HECW1: variants seen among roughly 807,000 people sequenced by gnomAD.
HECW1 encodes HECT, C2 and WW domain containing E3 ubiquitin protein ligase 1.
HECW1 carries 61 observed loss-of-function variants against 182.3 expected under a neutral mutation model. The ratio of observed to expected loss-of-function variants is 0.33; its 90% confidence interval spans 0.27 to 0.41. The LOEUF (loss-of-function observed/expected upper bound fraction) is 0.41. HECW1 is among the 10% of genes least tolerant of loss of function. The pLI is 1.00. For missense variants in HECW1, 1,739 were observed against 2,108.9 expected, an observed-to-expected ratio of 0.82 and a Z score of 3.44; for synonymous variants, 859 against 832.6, an observed-to-expected ratio of 1.03 and a Z score of -0.55.
chr7:43,409,472 A>G (rs2075726142), intron 8 of HECW1, among the ~76,000 whole-genome samples: 1 of 152,226 alleles, frequency 6.6e-6, no homozygotes, highest in Non-Finnish European at 1.5e-5. Flanking sequence ...TTTAAGTGTC[A>G]GGGAATGTTT....
chr7:43,503,182 G>A (rs1479666154), intron 21 of HECW1, among the ~76,000 whole-genome samples: 4 of 152,178 alleles, frequency 2.6e-5, no homozygotes, highest in African/African-American at 9.7e-5. Context: ...TACCTCTGAC[G>A]CACAACATAA....
At chr7:43,286,401 G>T (rs1357095837) in intron 3 of HECW1, among the ~76,000 whole-genome samples, 1 of 152,182 alleles carries the variant, frequency 6.6e-6, no homozygotes, top group African/African-American at 2.4e-5. Context: ...AACCTTCAGA[G>T]ATGTAGTGCA....
At chr7:43,392,357 A>G (rs753912893) in intron 6 of HECW1, among the ~76,000 whole-genome samples, 2 of 152,240 alleles carry the variant, frequency 1.3e-5, no homozygotes, top group Non-Finnish European at 1.5e-5. Context: ...TGGAAATGCC[A>G]TATGCACTAA....
chr7:43,226,392 A>T (rs1797429593), intron 2 of HECW1, among the ~76,000 whole-genome samples: 1 of 152,134 alleles, frequency 6.6e-6, no homozygotes, highest in African/African-American at 2.4e-5. Flanking sequence ...CAGTGGGGTG[A>T]TGATGTTGAG....
chr7:43,334,899 A>G (rs1453425977), intron 5 of HECW1, among the ~76,000 whole-genome samples: 1 of 152,220 alleles, frequency 6.6e-6, no homozygotes, highest in Non-Finnish European at 1.5e-5. Flanking sequence ...GGACCTACAG[A>G]CACAGCCTTT....
At chr7:43,129,437 A>G (rs1467173919) in intron 2 of HECW1, among the ~76,000 whole-genome samples, 1 of 152,184 alleles carries the variant, frequency 6.6e-6, no homozygotes, top group Non-Finnish European at 1.5e-5. Flanking sequence ...TGTGTGTATT[A>G]TTTTTCTAGA....
chr7:43,252,650 G>A (rs1012045268), intron 3 of HECW1, among the ~76,000 whole-genome samples: 1 of 152,202 alleles, frequency 6.6e-6, no homozygotes, highest in Non-Finnish European at 1.5e-5. Flanking sequence ...TTGGTTATGA[G>A]TTCCCATAGT....
chr7:43,560,227 A>T (rs540074675), intron 29 of HECW1, among the ~76,000 whole-genome samples: 4 of 152,216 alleles, frequency 2.6e-5, no homozygotes, highest in Non-Finnish European at 2.9e-5. Flanking sequence ...CACTGTAACC[A>T]TCCTACTCAA....
At chr7:43,240,780 G>A (rs1308615773) in intron 2 of HECW1, among the ~76,000 whole-genome samples, 1 of 152,202 alleles carries the variant, frequency 6.6e-6, no homozygotes, top group Non-Finnish European at 1.5e-5. Flanking sequence ...GGTGCCAGGG[G>A]TTTGCAGGGC....
intron 13 of HECW1, among the ~76,000 whole-genome samples, chr7:43,457,614 A>C (rs2077445987): frequency 6.6e-6 from 1 of 152,098 alleles, no homozygotes. Flanking sequence ...CTCTACTAAG[A>C]ATGCAAAAAA....
intron 6 of HECW1, 106 bp downstream of exon 6, chr7:43,361,086 G>A (rs2152812368): frequency 3.4e-6 from 2 of 594,702 alleles, no homozygotes; most frequent in Non-Finnish European, 5.8e-6. Context: ...GTGTGTGTGT[G>A]TGTACGTGTA....
intron 2 of HECW1, among the ~76,000 whole-genome samples, chr7:43,148,490 CTG>C (rs1454465610): frequency 4.0e-5 from 6 of 151,622 alleles, no homozygotes; most frequent in African/African-American, 1.2e-4. Flanking sequence ...CTTGTCTTCA[CTG>C]TGATCCTTAA....
chr7:43,211,428 C>T (rs2152695329), intron 2 of HECW1, among the ~76,000 whole-genome samples: 1 of 152,244 alleles, frequency 6.6e-6, no homozygotes, highest in South Asian at 2.1e-4. Context: ...TGCGGGCACC[C>T]TGTGGACGCT....
At chr7:43,524,007 T>TAA (rs5883870) in intron 24 of HECW1, among the ~76,000 whole-genome samples, 6 of 151,322 alleles carry the variant, frequency 4.0e-5, no homozygotes, top group East Asian at 1.9e-4. Flanking sequence ...TTTTTCATCT[T>TAA]AAAAAAAAAG....
chr7:43,113,713 G>T, intron 1 of HECW1: 1 of 212,184 alleles, frequency 4.7e-6, no homozygotes, highest in Non-Finnish European at 9.5e-6. Context: ...CTGGAGGTGC[G>T]CTTCCTGCTA....
chr7:43,546,362 GA>G (rs1362634144), intron 26 of HECW1, among the ~76,000 whole-genome samples: 2 of 151,358 alleles, frequency 1.3e-5, no homozygotes, highest in African/African-American at 4.9e-5. Flanking sequence ...GGGGCTTGAT[GA>G]CTTTCATGGC....
At chr7:43,149,502 T>C (rs1018744889) in intron 2 of HECW1, among the ~76,000 whole-genome samples, 7 of 152,346 alleles carry the variant, frequency 4.6e-5, no homozygotes, top group Admixed American at 2.0e-4. Flanking sequence ...AACAGTATAA[T>C]GTGGGATCTT....
At chr7:43,406,744 T>G (rs1254493830) in intron 7 of HECW1, among the ~76,000 whole-genome samples, 3 of 151,714 alleles carry the variant, frequency 2.0e-5, no homozygotes, top group African/African-American at 7.3e-5. Flanking sequence ...ACAGCGAAAA[T>G]CTGTCTCTAC....
chr7:43,225,068 G>C (rs1013493546), intron 2 of HECW1, among the ~76,000 whole-genome samples: 2 of 152,162 alleles, frequency 1.3e-5, no homozygotes, highest in South Asian at 2.1e-4. Context: ...TGTAGCAAAG[G>C]TGTGGGGGAA....
Sources: allele counts gnomAD v4.1 joint callset (sites outside exome capture counted in the v4.1 genomes callset), GRCh38; gene constraint gnomAD v4.1.1; transcripts MANE v1.5; gene names NCBI Gene and HGNC (gene_info 2026-07-23, HGNC 2026-07-21).